The following RALYL variants were observed in gnomAD, a reference collection of about 807,000 sequenced individuals.
RALYL encodes RNA-binding Raly-like protein.
RALYL carries 29 observed loss-of-function variants against 35.1 expected under a neutral mutation model. The ratio of observed to expected loss-of-function variants is 0.83; its 90% CI spans 0.61 to 1.13. The LOEUF is 1.13. Ranked by LOEUF, RALYL falls within the 50% of genes most tolerant of loss-of-function variation. The pLI, the probability that RALYL is intolerant of heterozygous loss-of-function variation, is 0.00. For missense variants in RALYL, 359 were observed against 360.4 expected (o/e 1.00, Z 0.03); for synonymous variants, 120 against 127.6 (o/e 0.94, Z 0.40).
chr8:84,601,307 C>T (rs1815892601), intron 2 of RALYL, among the ~76,000 whole-genome samples: 1 of 152,046 alleles, frequency 6.6e-6, no homozygotes, highest in Non-Finnish European at 1.5e-5. Context: ...GAGGATAATG[C>T]TTTGTCTCAA....
chr8:84,252,321 G>A (rs1473385029), intron 1 of RALYL, among the ~76,000 whole-genome samples: 1 of 152,018 alleles, frequency 6.6e-6, no homozygotes, highest in African/African-American at 2.4e-5. Context: ...AGAGTTACAT[G>A]AAGATATTAT....
At chr8:84,392,086 A>G (rs1860827462) in intron 1 of RALYL, among the ~76,000 whole-genome samples, 1 of 152,068 alleles carries the variant, frequency 6.6e-6, no homozygotes, top group South Asian at 2.1e-4. Flanking sequence ...GTTGTAGCAA[A>G]ATCTAGGGAA....
At chr8:84,713,703 C>T (rs1842538159) in intron 2 of RALYL, among the ~76,000 whole-genome samples, 1 of 151,570 alleles carries the variant, frequency 6.6e-6, no homozygotes, top group South Asian at 2.1e-4. Context: ...AATAGAACTA[C>T]CAAATGATCC....
At chr8:84,669,984 T>C (rs187283515) in intron 2 of RALYL, among the ~76,000 whole-genome samples, 32 of 152,320 alleles carry the variant, frequency 2.1e-4, no homozygotes, top group Non-Finnish European at 3.7e-4. Flanking sequence ...TTTCTTAATA[T>C]AGTCTCAAAA....
intron 1 of RALYL, among the ~76,000 whole-genome samples, chr8:84,307,036 G>C (rs913651175): frequency 6.6e-5 from 10 of 152,098 alleles, no homozygotes; most frequent in African/African-American, 2.4e-4. Context: ...AACAAGGCAG[G>C]CTTATATAAC....
chr8:84,320,716 TC>T (rs1844640603), intron 1 of RALYL, among the ~76,000 whole-genome samples: 1 of 152,068 alleles, frequency 6.6e-6, no homozygotes, highest in Non-Finnish European at 1.5e-5. Flanking sequence ...AGGCCTCTAT[TC>T]CCCCAATGCC....
intron 1 of RALYL, among the ~76,000 whole-genome samples, chr8:84,343,262 C>T (rs1456413407): frequency 1.3e-5 from 2 of 152,080 alleles, no homozygotes; most frequent in East Asian, 1.9e-4. Context: ...CAGCTTCTTA[C>T]AATTCATGGG....
At chr8:84,559,190 T>C (rs1200817470) in intron 2 of RALYL, among the ~76,000 whole-genome samples, 1 of 152,040 alleles carries the variant, frequency 6.6e-6, no homozygotes, top group Non-Finnish European at 1.5e-5. Context: ...AATGTTTTTC[T>C]GTTCATATTA....
intron 1 of RALYL, among the ~76,000 whole-genome samples, chr8:84,292,757 T>C (rs1382688940): frequency 1.3e-5 from 2 of 152,150 alleles, no homozygotes; most frequent in East Asian, 3.9e-4. Flanking sequence ...GAGACATGAA[T>C]AATCCTCCCC....
chr8:84,190,023 G>T (rs561831597), intron 1 of RALYL, among the ~76,000 whole-genome samples: 1 of 152,294 alleles, frequency 6.6e-6, no homozygotes, highest in African/African-American at 2.4e-5. Context: ...AGAAGAGACG[G>T]TTCTCTGTCC....
chr8:84,783,199 A>C (rs1013508851), intron 3 of RALYL, among the ~76,000 whole-genome samples: 2 of 152,214 alleles, frequency 1.3e-5, no homozygotes, highest in African/African-American at 4.8e-5. Flanking sequence ...AAAGACTAAA[A>C]ATTTTTAATG....
intron 2 of RALYL, among the ~76,000 whole-genome samples, chr8:84,690,520 A>G (rs1257118070): frequency 2.0e-5 from 3 of 152,128 alleles, no homozygotes; most frequent in Admixed American, 2.0e-4. Context: ...ATCACACAAA[A>G]ATGGTAATGG....
At chr8:84,670,605 G>A (rs749063095) in intron 2 of RALYL, among the ~76,000 whole-genome samples, 15 of 152,184 alleles carry the variant, frequency 9.9e-5, no homozygotes, top group Non-Finnish European at 1.9e-4. Context: ...TGAAGGAGGA[G>A]CAAAGCTATG....
At chr8:84,606,092 C>T (rs1368913320) in intron 2 of RALYL, among the ~76,000 whole-genome samples, 1 of 152,096 alleles carries the variant, frequency 6.6e-6, no homozygotes, top group East Asian at 1.9e-4. Context: ...ATCAGTCCAG[C>T]TCTTTTCCAT....
chr8:84,713,821 G>GT (rs1421422130), intron 2 of RALYL, among the ~76,000 whole-genome samples: 1,556 of 150,956 alleles, frequency 0.01, 34 homozygotes, highest in African/African-American at 0.035. Context: ...AGTCAAGATT[G>GT]GAATCAACAT....
chr8:84,534,939 A>G (rs953372423), intron 2 of RALYL, among the ~76,000 whole-genome samples: 8 of 152,192 alleles, frequency 5.3e-5, no homozygotes, highest in African/African-American at 1.9e-4. Context: ...TGAAATATTA[A>G]CACATATATA....
chr8:84,603,275 A>G (rs1428996561), intron 2 of RALYL, among the ~76,000 whole-genome samples: 2 of 151,984 alleles, frequency 1.3e-5, no homozygotes, highest in African/African-American at 2.4e-5. Flanking sequence ...CACACTGACT[A>G]TTGCTTCTTG....
At chr8:84,889,860 T>G (rs779132553) in intron 8 of RALYL, among the ~76,000 whole-genome samples, 4 of 152,262 alleles carry the variant, frequency 2.6e-5, no homozygotes, top group Non-Finnish European at 4.4e-5. Flanking sequence ...TTTATCCTTG[T>G]TAATGCTACT....
intron 3 of RALYL, among the ~76,000 whole-genome samples, chr8:84,802,791 A>C (rs1563637557): frequency 6.6e-6 from 1 of 152,188 alleles, no homozygotes; most frequent in East Asian, 1.9e-4. Flanking sequence ...GCATTGATGG[A>C]AGCTTAGTGT....
Sources: allele counts gnomAD v4.1 joint callset (sites outside exome capture counted in the v4.1 genomes callset), GRCh38; gene constraint gnomAD v4.1.1; transcripts MANE v1.5; gene names NCBI Gene and HGNC (gene_info 2026-07-23, HGNC 2026-07-21).